The following PATJ variants were observed in gnomAD, a reference collection of about 807,000 sequenced individuals.
The protein encoded by PATJ is inaD-like protein.
PATJ carries 190 observed loss-of-function variants against 224.9 expected under a neutral mutation model. The observed-to-expected ratio is 0.84, with a 90% confidence interval of 0.75 to 0.95. The LOEUF (loss-of-function observed/expected upper bound fraction) is 0.95, where lower values mean the gene tolerates loss of function less well. PATJ is among the 40% of genes least tolerant of loss of function. The pLI, the probability that PATJ is intolerant of heterozygous loss-of-function variation, is 0.00. For synonymous variants in PATJ, 769 were observed against 820.3 expected (o/e 0.94, Z 1.07); for missense variants, 2,121 against 2,270.3 (o/e 0.93, Z 1.34).
chr1:61,824,947 A>G (rs746896410), intron 15 of PATJ, among the ~76,000 whole-genome samples: 2 of 152,176 alleles, frequency 1.3e-5, no homozygotes, highest in Non-Finnish European at 2.9e-5. Flanking sequence ...GATTTTTTGA[A>G]TTCTTAAATA....
At chr1:61,930,960 C>G (rs1415895040) in intron 27 of PATJ, among the ~76,000 whole-genome samples, 2 of 152,246 alleles carry the variant, frequency 1.3e-5, no homozygotes, top group African/African-American at 2.4e-5. Context: ...GCCTCGACCT[C>G]CCAAAGTGCT....
At chr1:61,941,179 G>T (rs907374360) in intron 27 of PATJ, among the ~76,000 whole-genome samples, 2 of 152,118 alleles carry the variant, frequency 1.3e-5, no homozygotes, top group Non-Finnish European at 2.9e-5. Context: ...AAAAGTTAAT[G>T]GTTCAGATGG....
chr1:61,927,636 A>G (rs1675408529), intron 26 of PATJ, 94 bp from the exon 27 acceptor site: 4 of 768,626 alleles, frequency 5.2e-6, no homozygotes, highest in Non-Finnish European at 8.6e-6. Flanking sequence ...TATGGTCTAA[A>G]TATTTCCAGA....
At chr1:62,136,620 TG>T (rs1666900036) in intron 41 of PATJ, among the ~76,000 whole-genome samples, 1 of 151,088 alleles carries the variant, frequency 6.6e-6, no homozygotes, top group Non-Finnish European at 1.5e-5. Flanking sequence ...TCCAGCTGCA[TG>T]TAAGTGCTGA....
chr1:61,769,869 T>C (rs1646501682), intron 5 of PATJ, among the ~76,000 whole-genome samples: 1 of 152,224 alleles, frequency 6.6e-6, no homozygotes, highest in Admixed American at 6.5e-5. Context: ...TAACAACATT[T>C]TGGTGGTCAT....
chr1:62,130,623 G>A (rs939964106), intron 41 of PATJ, among the ~76,000 whole-genome samples: 25 of 151,572 alleles, frequency 1.6e-4, no homozygotes, highest in Non-Finnish European at 3.1e-4. Flanking sequence ...AGGCTGAGGC[G>A]GGCGGATCAC....
intron 20 of PATJ, among the ~76,000 whole-genome samples, chr1:61,873,901 G>A (rs1666998298): frequency 6.6e-6 from 1 of 152,176 alleles, no homozygotes; most frequent in African/African-American, 2.4e-5. Context: ...GCTGTGGGGT[G>A]GCCCAGGTAT....
At chr1:61,742,904 C>A (rs1012816418) in intron 1 of PATJ, among the ~76,000 whole-genome samples, 64 of 152,128 alleles carry the variant, frequency 4.2e-4, no homozygotes, top group African/African-American at 1.5e-3. Flanking sequence ...CGCCGCCCCG[C>A]CTCCCCAGGC....
rs691754 is a variant in PATJ, at chr1:61,758,213, A to G, written c.-35-4645A>G. Among the ~76,000 whole-genome samples, 616 of 152,322 alleles carry G rather than the reference A, an allele frequency of 4.0e-3. 8 individuals are homozygous for G. The highest frequency in any genetic ancestry group is 0.014 in the African/African-American group (580 of 41,584). ...AGCATTCCTTCTTGGAGGAGCCCCC[A>G]GCCAGCAGGCACAGCTTCCAAAGAA... On this transcript the variant is annotated intron_variant, in intron 1 of 43. Transcript: ENST00000642238.
intron 15 of PATJ, 149 bp from the exon 16 acceptor site, chr1:61,827,271 TCA>T: frequency 6.9e-6 from 4 of 583,008 alleles, no homozygotes; most frequent in Non-Finnish European, 1.1e-5. Flanking sequence ...TATTATTTAA[TCA>T]TAAATAATAT....
At chr1:61,807,958 G>C (rs1473549174) in intron 13 of PATJ, among the ~76,000 whole-genome samples, 1 of 152,194 alleles carries the variant, frequency 6.6e-6, no homozygotes, top group Non-Finnish European at 1.5e-5. Flanking sequence ...TTTCCACCAA[G>C]GACCAGGTCT....
At chr1:61,822,841 A>G (rs1657556417) in intron 14 of PATJ, 104 bp from the exon 15 acceptor site, 1 of 1,338,604 alleles carries the variant, frequency 7.5e-7, no homozygotes. Flanking sequence ...TTGGTGATCT[A>G]ATTCAAGAGG....
intron 33 of PATJ, among the ~76,000 whole-genome samples, chr1:62,091,938 C>T (rs1660786872): frequency 6.6e-6 from 1 of 151,620 alleles, no homozygotes; most frequent in South Asian, 2.1e-4. Flanking sequence ...TGGCTATAGT[C>T]CCAGCTACTT....
At chr1:61,840,998 T>C (rs1365498551) in intron 17 of PATJ, among the ~76,000 whole-genome samples, 2 of 152,114 alleles carry the variant, frequency 1.3e-5, no homozygotes, top group African/African-American at 2.4e-5. Flanking sequence ...TTTTCTATGA[T>C]GTGGACAGAT....
intron 33 of PATJ, among the ~76,000 whole-genome samples, chr1:62,102,759 C>T (rs1044266891): frequency 6.1e-5 from 9 of 146,748 alleles, no homozygotes; most frequent in Non-Finnish European, 1.0e-4. Context: ...ACTTGGGAAG[C>T]TGAGATGGGA....
intron 27 of PATJ, among the ~76,000 whole-genome samples, chr1:61,937,239 T>C (rs1677019894): frequency 6.6e-6 from 1 of 152,100 alleles, no homozygotes; most frequent in South Asian, 2.1e-4. Flanking sequence ...ATAGTTTCTT[T>C]CTTTTTTCGT....
intron 5 of PATJ, among the ~76,000 whole-genome samples, chr1:61,770,753 T>A (rs929967767): frequency 6.6e-6 from 1 of 151,732 alleles, no homozygotes; most frequent in Non-Finnish European, 1.5e-5. Context: ...CTACAAAAAA[T>A]ACAAAAATTA....
intron 27 of PATJ, among the ~76,000 whole-genome samples, chr1:61,957,610 T>C (rs936350397): frequency 6.6e-6 from 1 of 152,034 alleles, no homozygotes; most frequent in Non-Finnish European, 1.5e-5. Flanking sequence ...TAGGAAAGAG[T>C]AGAAGTTTTC....
At chr1:61,884,806 A>G (rs1668595416) in intron 22 of PATJ, among the ~76,000 whole-genome samples, 1 of 152,158 alleles carries the variant, frequency 6.6e-6, no homozygotes, top group South Asian at 2.1e-4. Flanking sequence ...GTGTTTTTGG[A>G]CTAGGAAACT....
Sources: gnomAD v4.1 joint callset for allele counts (sites outside exome capture counted in the v4.1 genomes callset) on GRCh38, gnomAD v4.1.1 for gene constraint, MANE v1.5 for transcripts, NCBI Gene and HGNC (gene_info 2026-07-23, HGNC 2026-07-21) for gene names.